ARHGDIB: variants seen among roughly 807,000 people sequenced by gnomAD.
ARHGDIB encodes Rho GDP dissociation inhibitor beta.
ARHGDIB carries 20 observed loss-of-function variants against 22.6 expected under a neutral mutation model. The observed-to-expected ratio is 0.88, with a 90% confidence interval of 0.62 to 1.28. The LOEUF (loss-of-function observed/expected upper bound fraction) is 1.28. Among genes scored for constraint, ARHGDIB ranks in the 50% most tolerant of loss-of-function variants. The pLI is 0.00. For missense variants in ARHGDIB, 254 were observed against 245.4 expected (o/e 1.04, Z -0.23); for synonymous variants, 114 against 96.1 (o/e 1.19, Z -1.09).
intron 1 of ARHGDIB, among the ~76,000 whole-genome samples, chr12:14,958,646 G>C (rs982155523): frequency 7.9e-5 from 12 of 152,202 alleles, no homozygotes; most frequent in Admixed American, 6.5e-4. Context: ...GGAAGCCATT[G>C]CCTTCAGTAT....
At chr12:14,956,006 G>A (rs1864293594) in intron 1 of ARHGDIB, among the ~76,000 whole-genome samples, 1 of 152,154 alleles carries the variant, frequency 6.6e-6, no homozygotes, top group Non-Finnish European at 1.5e-5. Flanking sequence ...TCCAGACCAG[G>A]AAACTAAAGT....
chr12:14,957,892 A>AAG (rs1157453308), intron 1 of ARHGDIB, among the ~76,000 whole-genome samples: 2 of 151,902 alleles, frequency 1.3e-5, no homozygotes, highest in African/African-American at 4.8e-5. Flanking sequence ...AGAAGGGAGA[A>AAG]AGAGAGAGAG....
chr12:14,942,817 A>C, intron 5 of ARHGDIB, 96 bp from the exon 6 acceptor site: 1 of 1,081,294 alleles, frequency 9.2e-7, no homozygotes. Context: ...ACAGTGATTA[A>C]AGTCAAGAGC....
intron 5 of ARHGDIB, among the ~76,000 whole-genome samples, chr12:14,943,458 T>G (rs1250505921): frequency 1.3e-5 from 2 of 151,916 alleles, no homozygotes; most frequent in Non-Finnish European, 2.9e-5. Context: ...TCAGACAAAT[T>G]GAGACCTCAG....
At chr12:14,955,732 T>C (rs1350046185) in intron 1 of ARHGDIB, among the ~76,000 whole-genome samples, 1 of 152,238 alleles carries the variant, frequency 6.6e-6, no homozygotes, top group Admixed American at 6.5e-5. Context: ...AAATTATCTG[T>C]GTGCATATTT....
intron 1 of ARHGDIB, among the ~76,000 whole-genome samples, chr12:14,958,730 C>T (rs182309795): frequency 2.6e-5 from 4 of 152,074 alleles, no homozygotes; most frequent in Admixed American, 6.5e-5. Flanking sequence ...TTTTTATGAC[C>T]GTTTGTGCTA....
intron 5 of ARHGDIB, 37 bp from the exon 6 acceptor site, chr12:14,942,758 G>T (rs767992929): frequency 6.3e-7 from 1 of 1,589,864 alleles, no homozygotes; most frequent in Non-Finnish European, 8.6e-7. Flanking sequence ...GTAAGAGCCT[G>T]ATAGAGGAAA....
intron 1 of ARHGDIB, among the ~76,000 whole-genome samples, chr12:14,957,076 A>G (rs1319677735): frequency 6.6e-6 from 1 of 152,214 alleles, no homozygotes; most frequent in Admixed American, 6.5e-5. Flanking sequence ...TTACCTGGGT[A>G]ATTCAGAGAA....
At chr12:14,960,828 C>T (rs751817845) in intron 1 of ARHGDIB, among the ~76,000 whole-genome samples, 1 of 152,160 alleles carries the variant, frequency 6.6e-6, no homozygotes, top group African/African-American at 2.4e-5. Flanking sequence ...ACAACAACAG[C>T]AAAGATCTGC....
At chr12:14,955,617 T>C (rs1275404022) in intron 1 of ARHGDIB, among the ~76,000 whole-genome samples, 1 of 152,190 alleles carries the variant, frequency 6.6e-6, no homozygotes, top group African/African-American at 2.4e-5. Context: ...TACAATACAA[T>C]ATTATTAAGC....
chr12:14,957,856 A>AGAAAGAG (rs112941062), intron 1 of ARHGDIB, among the ~76,000 whole-genome samples: 22 of 151,456 alleles, frequency 1.5e-4, no homozygotes, highest in Admixed American at 1.3e-3. Context: ...AAAGAGGGAG[A>AGAAAGAG]GAGAAAGAGG....
chr12:14,953,177 T>G (rs769041385), intron 1 of ARHGDIB, among the ~76,000 whole-genome samples: 1 of 152,206 alleles, frequency 6.6e-6, no homozygotes, highest in African/African-American at 2.4e-5. Context: ...CAAATTTACC[T>G]AGACATTAAA....
chr12:14,959,331 T>A (rs564384099), intron 1 of ARHGDIB, among the ~76,000 whole-genome samples: 1 of 152,156 alleles, frequency 6.6e-6, no homozygotes, highest in African/African-American at 2.4e-5. Flanking sequence ...GGCGGGAGGA[T>A]CACGTGAGCC....
intron 1 of ARHGDIB, among the ~76,000 whole-genome samples, chr12:14,957,569 T>G (rs1864328345): frequency 6.6e-6 from 1 of 152,208 alleles, no homozygotes. Context: ...TTAAAAACTT[T>G]CATGTAAACA....
intron 5 of ARHGDIB, 151 bp from the exon 6 acceptor site, chr12:14,942,872 CT>C (rs374342478): frequency 0.2 from 101,282 of 495,940 alleles, 135 homozygotes; most frequent in South Asian, 0.27. Flanking sequence ...CCTGAGGCAT[CT>C]TTTTTTTTTT....
At chr12:14,950,269 C>T (rs188758536) in intron 2 of ARHGDIB, among the ~76,000 whole-genome samples, 15 of 152,292 alleles carry the variant, frequency 9.8e-5, no homozygotes, top group Admixed American at 8.5e-4. Flanking sequence ...GAGAGAAATA[C>T]AATTCTAAGT....
At chr12:14,952,277 C>CAAAAA (rs3084566) in intron 1 of ARHGDIB, among the ~76,000 whole-genome samples, 5 of 127,348 alleles carry the variant, frequency 3.9e-5, no homozygotes, top group African/African-American at 1.2e-4. Context: ...TTAATGGAAC[C>CAAAAA]AAAAAAAAAA....
chr12:14,953,657 T>C (rs1864232228), intron 1 of ARHGDIB, among the ~76,000 whole-genome samples: 1 of 151,978 alleles, frequency 6.6e-6, no homozygotes. Flanking sequence ...GATAAACCCA[T>C]GACATTGTGC....
At chr12:14,958,508 T>C (rs1221391753) in intron 1 of ARHGDIB, among the ~76,000 whole-genome samples, 2 of 152,202 alleles carry the variant, frequency 1.3e-5, no homozygotes, top group African/African-American at 2.4e-5. Flanking sequence ...CCCACATTCA[T>C]ATGCACAAAG....
Sources: gnomAD v4.1 joint callset for allele counts (sites outside exome capture counted in the v4.1 genomes callset) on GRCh38, gnomAD v4.1.1 for gene constraint, MANE v1.5 for transcripts, NCBI Gene and HGNC (gene_info 2026-07-23, HGNC 2026-07-21) for gene names.